Variants in POU6F2 observed in about 807,000 individuals in gnomAD.
POU6F2 encodes the protein POU class 6 homeobox 2, also known as POU domain, class 6, transcription factor 2.
Under a neutral mutation model 71.3 loss-of-function variants are expected in POU6F2, and 31 were observed. The observed-to-expected ratio is 0.43, with a 90% CI of 0.33 to 0.59. The LOEUF (loss-of-function observed/expected upper bound fraction) is 0.59. POU6F2 is among the 20% of genes least tolerant of loss of function. The pLI is 0.04. For synonymous variants in POU6F2, 347 were observed against 355.7 expected (o/e 0.98, Z 0.27); for missense variants, 783 against 856.8 (o/e 0.91, Z 1.07).
intron 1 of POU6F2, among the ~76,000 whole-genome samples, chr7:39,034,722 A>G (rs969364100): frequency 6.6e-6 from 1 of 152,138 alleles, no homozygotes; most frequent in Non-Finnish European, 1.5e-5. Flanking sequence ...AGTAGATTGC[A>G]TTACAAATAG....
chr7:39,190,238 C>T (rs1195670337), intron 2 of POU6F2, among the ~76,000 whole-genome samples: 1 of 151,920 alleles, frequency 6.6e-6, no homozygotes, highest in Non-Finnish European at 1.5e-5. Flanking sequence ...GCTCCACCAC[C>T]TGGTGGTCTG....
chr7:39,118,218 C>T (rs1411551355), intron 2 of POU6F2, among the ~76,000 whole-genome samples: 1 of 152,116 alleles, frequency 6.6e-6, no homozygotes, highest in Non-Finnish European at 1.5e-5. Flanking sequence ...GATCCTAAGT[C>T]AATAAATCTC....
chr7:39,140,156 G>GT (rs1562720546), intron 2 of POU6F2, among the ~76,000 whole-genome samples: 1 of 152,142 alleles, frequency 6.6e-6, no homozygotes, highest in African/African-American at 2.4e-5. Flanking sequence ...TCCTGCAAAT[G>GT]TATCAGAGCT....
intron 7 of POU6F2, among the ~76,000 whole-genome samples, chr7:39,438,193 A>G (rs190397258): frequency 7.6e-6 from 1 of 132,238 alleles, no homozygotes; most frequent in Non-Finnish European, 1.6e-5. Context: ...AGAACATGCG[A>G]TGTTTGGTTT....
intron 4 of POU6F2, among the ~76,000 whole-genome samples, chr7:39,218,349 T>TG (rs543250548): frequency 5.9e-5 from 9 of 151,724 alleles, no homozygotes; most frequent in East Asian, 3.9e-4. Flanking sequence ...GGACAGAGAG[T>TG]GGGGGGGTTA....
intron 1 of POU6F2, among the ~76,000 whole-genome samples, chr7:39,085,427 GGGT>G (rs1791217598): frequency 1.3e-5 from 2 of 151,982 alleles, no homozygotes; most frequent in Admixed American, 1.3e-4. Context: ...TTCCTCCATA[GGGT>G]GCTCTTCCTT....
At chr7:39,200,897 C>T (rs1011339597) in intron 2 of POU6F2, among the ~76,000 whole-genome samples, 2 of 151,506 alleles carry the variant, frequency 1.3e-5, no homozygotes, top group African/African-American at 4.9e-5. Context: ...TGTAGTGGCT[C>T]GCTCCTGTAG....
chr7:39,207,514 A>G lies in POU6F2; in HGVS notation c.492A>G (p.Gln164=), dbSNP rs777041716. The G allele has an allele frequency of 1.9e-6, 3 of 1,614,052 alleles. No individual in the cohort carries two copies. Among genetic ancestry groups the G allele is most frequent in the Admixed American group, 1.7e-5 (1 of 60,030 alleles). Residue 164 remains glutamine (Q), a synonymous_variant, in exon 4 of 10, where the codon CAA becomes CAG. Transcript: ENST00000518318. ...TGGCGGGACAGCTAGGAGGCCAGCA[A>G]GGACTGGTTCTCACACTGCCAACAG... ...FNMAGQLGGQ[Q]GLVLTLPTAN...
chr7:39,279,667 G>T (rs1215996804), intron 4 of POU6F2, among the ~76,000 whole-genome samples: 1 of 152,182 alleles, frequency 6.6e-6, no homozygotes, highest in South Asian at 2.1e-4. Flanking sequence ...TTCCTGGCTT[G>T]TACATTGTAT....
At chr7:39,394,179 C>T (rs530563342) in intron 5 of POU6F2, among the ~76,000 whole-genome samples, 1 of 152,220 alleles carries the variant, frequency 6.6e-6, no homozygotes, top group East Asian at 1.9e-4. Context: ...AGTCTTAACA[C>T]GTGCACCCAG....
chr7:39,416,119 C>A (rs896469527), intron 6 of POU6F2, among the ~76,000 whole-genome samples: 1 of 151,826 alleles, frequency 6.6e-6, no homozygotes, highest in Admixed American at 6.6e-5. Flanking sequence ...CACACACACA[C>A]ACACACACAC....
chr7:39,320,222 C>T (rs548101720), intron 4 of POU6F2, among the ~76,000 whole-genome samples: 3 of 152,292 alleles, frequency 2.0e-5, no homozygotes, highest in South Asian at 2.1e-4. Context: ...CCTCAACCAC[C>T]GTGGCCCACC....
At chr7:39,438,814 T>C (rs1367957752) in intron 7 of POU6F2, among the ~76,000 whole-genome samples, 1 of 152,282 alleles carries the variant, frequency 6.6e-6, no homozygotes, top group Admixed American at 6.5e-5. Flanking sequence ...CATGTGGCAC[T>C]GAGAAGAATG....
At chr7:39,248,995 C>T (rs1383781995) in intron 4 of POU6F2, among the ~76,000 whole-genome samples, 2 of 152,198 alleles carry the variant, frequency 1.3e-5, no homozygotes, top group East Asian at 3.9e-4. Context: ...TGCCAGATCC[C>T]TGTGACAATG....
rs796901570 is a variant in POU6F2, at chr7:39,330,237, A to G, written c.599-9405A>G. 5.9e-5 allele frequency among the ~76,000 whole-genome samples: 9 copies of G among 152,290 alleles called. 1 individual carries two copies. Among genetic ancestry groups the G allele is most frequent in the African/African-American group, 1.9e-4 (8 of 41,570 alleles). The stretch of plus-strand genomic sequence containing the variant: ...GCTATGGAGTATGAGGGTTTAGTTC[A>G]CTTACAACATCTCTCACTCTCTTTT... On this transcript the variant is annotated intron_variant, in intron 4 of 9. Transcript: ENST00000518318.
chr7:39,422,409 G>A (rs1419232325), intron 6 of POU6F2, among the ~76,000 whole-genome samples: 1 of 152,194 alleles, frequency 6.6e-6, no homozygotes, highest in African/African-American at 2.4e-5. Flanking sequence ...TGGCTTGAAG[G>A]AATTCATTTT....
intron 2 of POU6F2, among the ~76,000 whole-genome samples, chr7:39,195,015 C>T (rs1793755895): frequency 6.6e-6 from 1 of 152,152 alleles, no homozygotes; most frequent in Non-Finnish European, 1.5e-5. Context: ...CCACGAGGGT[C>T]CGCGGTTTCA....
chr7:39,054,066 C>T (rs1252952690), intron 1 of POU6F2, among the ~76,000 whole-genome samples: 1 of 151,806 alleles, frequency 6.6e-6, no homozygotes, highest in Admixed American at 6.6e-5. Context: ...CATGCCTCTA[C>T]ACTCTAGCCT....
At chr7:39,383,872 A>T (rs1012195904) in intron 5 of POU6F2, among the ~76,000 whole-genome samples, 1 of 152,170 alleles carries the variant, frequency 6.6e-6, no homozygotes, top group Admixed American at 6.5e-5. Flanking sequence ...CTGTTTTTTC[A>T]TCTCTCAATT....
Sources: gnomAD v4.1 joint callset for allele counts (sites outside exome capture counted in the v4.1 genomes callset) on GRCh38, gnomAD v4.1.1 for gene constraint, MANE v1.5 for transcripts, NCBI Gene and HGNC (gene_info 2026-07-23, HGNC 2026-07-21) for gene names.